Variants in SKI observed in about 807,000 individuals in gnomAD.
SKI encodes ski oncogene.
A neutral mutation model predicts 59.3 loss-of-function variants in SKI; 23 were observed. That is an observed-to-expected ratio of 0.39 (90% CI 0.28 to 0.55). SKI has a LOEUF of 0.55. Among genes scored for constraint, SKI ranks in the 20% least tolerant of loss-of-function variants. The probability of loss-of-function intolerance (pLI) is 0.67; values close to 1 mark genes in which losing one functional copy is unlikely to be tolerated. For synonymous variants in SKI, 673 were observed against 488.6 expected, an observed-to-expected ratio of 1.38 and a Z score of -4.98; for missense variants, 1,017 against 1,038.9, an observed-to-expected ratio of 0.98 and a Z score of 0.29.
chr1:2,238,085 C>T (rs936550497), intron 1 of SKI, among the ~76,000 whole-genome samples: 1 of 152,210 alleles, frequency 6.6e-6, no homozygotes, highest in African/African-American at 2.4e-5. Flanking sequence ...GCCCACGGTC[C>T]AGGCAGCTCC....
At chr1:2,266,859 C>T (rs1288103171) in intron 1 of SKI, among the ~76,000 whole-genome samples, 1 of 152,166 alleles carries the variant, frequency 6.6e-6, no homozygotes, top group African/African-American at 2.4e-5. Flanking sequence ...GAAAGTTGCT[C>T]AGGGCCAAGT....
In SKI at chr1:2,229,630, C is replaced by G; in HGVS notation, c.864C>G (p.Ser288Arg). 6.2e-7 allele frequency: 1 copy of G among 1,612,486 alleles called. No individual in the cohort carries two copies. Among genetic ancestry groups the G allele is most frequent in the Non-Finnish European group, 8.5e-7 (1 of 1,179,862 alleles). ...ACTGGCGGGCCTACATCCTGCTGAG[C>G]CAGGATTACACGGGCAAGGAGGAGC... ...SANWRAYILLSQDYTGKEEQA... is the reference protein window; with the variant it reads ...SANWRAYILLRQDYTGKEEQA... The change falls in exon 1 of 7, where the codon AGC (serine) becomes AGG (arginine). Residue 288 changes from serine to arginine, a missense_variant. Physicochemically the swap from Ser to Arg is moderately radical, Grantham distance 110. Coordinates refer to ENST00000378536, the MANE Select transcript of SKI (RefSeq NM_003036.4). This position sits in a 1 kb window ranked among gnomAD's most constrained non-coding sequence, Gnocchi z 6.3.
intron 1 of SKI, among the ~76,000 whole-genome samples, chr1:2,259,953 A>T (rs1639349511): frequency 6.6e-6 from 1 of 152,184 alleles, no homozygotes; most frequent in South Asian, 2.1e-4. Context: ...CTTGACTGTC[A>T]CAAAGAAAGC....
chr1:2,285,878 T>G (rs933439161), intron 1 of SKI, among the ~76,000 whole-genome samples: 1 of 148,726 alleles, frequency 6.7e-6, no homozygotes, highest in East Asian at 2.0e-4. Context: ...AGGTTTTTTT[T>G]TTTTTTTTTT....
Position 2,238,552 on chromosome 1 carries a change from G to A in SKI, c.969+8817G>A, listed in dbSNP as rs149862361. The stretch of plus-strand genomic sequence containing the variant: ...CCCTCTGCAGAGGTGGCACAAGCCC[G>A]GGGCCCCAGAGTGAGGGGACTCTTG... On this transcript the variant is annotated intron_variant, in intron 1 of 6. Transcript: ENST00000378536. 2.2e-3 allele frequency among the ~76,000 whole-genome samples: 336 copies of A among 152,344 alleles called. 4 individuals are homozygous for A. The highest frequency in any genetic ancestry group is 6.9e-3 in the African/African-American group (289 of 41,590).
Position 2,304,412 on chromosome 1 carries a change from G to A in SKI, c.1594G>A (p.Ala532Thr). ...PSAVPDAAAP[A>T]DAPSGLEAEL... is the part of the protein sequence containing the mutation. ...GGCCGTCCCTGATGCTGCGGCCCCT[G>A]CCGACGCCCCCAGTGGGCTGGAGGC... Residue 532 changes from alanine to threonine, a missense_variant, in exon 5 of 7, where the codon GCC (alanine) becomes ACC (threonine). Physicochemically the swap from Ala to Thr is moderately conservative, Grantham distance 58 (BLOSUM62 0). Coordinates refer to ENST00000378536, the MANE Select transcript of SKI (RefSeq NM_003036.4). The A allele has an allele frequency of 6.4e-7, 1 of 1,554,032 alleles. No homozygotes were observed. Among genetic ancestry groups the A allele is most frequent in the South Asian group, 1.2e-5 (1 of 84,338 alleles).
At chr1:2,247,397 T>C (rs1026329443) in intron 1 of SKI, among the ~76,000 whole-genome samples, 13 of 152,160 alleles carry the variant, frequency 8.5e-5, no homozygotes, top group Admixed American at 2.0e-4. Context: ...AGCGTGCTTC[T>C]CCCTCCTTTC....
intron 1 of SKI, among the ~76,000 whole-genome samples, chr1:2,242,721 TG>T (rs1638905962): frequency 6.6e-6 from 1 of 152,168 alleles, no homozygotes; most frequent in African/African-American, 2.4e-5. Flanking sequence ...GATCTCCGTT[TG>T]TTACCCAGAC....
At chr1:2,236,564 G>A (rs540054986) in intron 1 of SKI, among the ~76,000 whole-genome samples, 2 of 152,184 alleles carry the variant, frequency 1.3e-5, no homozygotes, top group East Asian at 1.9e-4. Context: ...GTGCCACCAC[G>A]CCTGGCTAAT....
At chr1:2,289,126 C>T (rs1640107753) in intron 1 of SKI, among the ~76,000 whole-genome samples, 1 of 152,220 alleles carries the variant, frequency 6.6e-6, no homozygotes, top group African/African-American at 2.4e-5. Context: ...CAGGACCCAG[C>T]TGCCCCTCCC....
intron 1 of SKI, among the ~76,000 whole-genome samples, chr1:2,243,860 T>G (rs145409127): frequency 1.3e-5 from 2 of 152,352 alleles, no homozygotes; most frequent in Admixed American, 6.5e-5. Context: ...TCAGCTGGGA[T>G]GATTCTGTGT....
chr1:2,251,976 C>G (rs887655546), intron 1 of SKI, among the ~76,000 whole-genome samples: 1 of 152,162 alleles, frequency 6.6e-6, no homozygotes, highest in Non-Finnish European at 1.5e-5. Context: ...TTCACTGTTC[C>G]TGGCAGTGGC....
At chr1:2,289,223 G>T (rs1025193191) in intron 1 of SKI, among the ~76,000 whole-genome samples, 1 of 152,192 alleles carries the variant, frequency 6.6e-6, no homozygotes, top group African/African-American at 2.4e-5. Flanking sequence ...TCTAGGCAGG[G>T]AGCTCAGAGA....
chr1:2,306,578 T>G lies in SKI; in HGVS notation c.2000T>G (p.Ile667Ser). The change falls in exon 7 of 7, where the codon ATC (isoleucine) becomes AGC (serine). Residue 667 changes from isoleucine to serine, a missense_variant and splice_region_variant. Physicochemically the swap from Ile to Ser is moderately radical, Grantham distance 142. Coordinates refer to ENST00000378536, the MANE Select transcript of SKI (RefSeq NM_003036.4). Reference protein sequence around the residue: ...GRLRAKYSAQIEDLQVKLQHA... With the variant: ...GRLRAKYSAQSEDLQVKLQHA... ...GCTGACCACTCGGCTCCCTTTCAGATCGAAGACCTGCAGGTGAAGCTGCAG... is the reference window on the plus strand; with the variant it reads ...GCTGACCACTCGGCTCCCTTTCAGAGCGAAGACCTGCAGGTGAAGCTGCAG... 6.5e-7 allele frequency: 1 copy of G among 1,541,816 alleles called. No homozygotes were observed. The highest frequency in any genetic ancestry group is 1.4e-5 in the African/African-American group (1 of 72,618).
chr1:2,297,642 G>A (rs1166815710), intron 1 of SKI, among the ~76,000 whole-genome samples: 2 of 152,334 alleles, frequency 1.3e-5, no homozygotes, highest in South Asian at 4.1e-4. Flanking sequence ...CCATAAGCCC[G>A]TGGCCCCTGT....
At chr1:2,293,595 C>T (rs1343857473) in intron 1 of SKI, among the ~76,000 whole-genome samples, 2 of 152,198 alleles carry the variant, frequency 1.3e-5, no homozygotes, top group Admixed American at 6.5e-5. Flanking sequence ...TCTGCTCGAG[C>T]ATCTGGTATC....
chr1:2,308,345 G>GT lies in SKI; in HGVS notation c.*1583dup, dbSNP rs1180154513. ...AATTGCCTGCGGGGTTTTGCCCTTG[G>GT]TTTACTGAGGGGGGTCTTGGTTGCT... On this transcript the variant is annotated 3_prime_UTR_variant, in exon 7 of 7. Transcript: ENST00000378536. 6.6e-6 allele frequency: 1 copy of GT among 152,210 alleles called. No homozygotes were observed. Among genetic ancestry groups the GT allele is most frequent in the African/African-American group, 2.4e-5 (1 of 41,450 alleles). The allele number at this position is 152,210 out of a possible 1,614,324, so 9.4% of individuals were successfully genotyped here. A position where few individuals can be genotyped will look rare whatever the true frequency, so the allele number is the denominator to read the frequency against.
At chr1:2,289,965 A>T (rs1640126612) in intron 1 of SKI, among the ~76,000 whole-genome samples, 1 of 152,116 alleles carries the variant, frequency 6.6e-6, no homozygotes, top group Non-Finnish European at 1.5e-5. Flanking sequence ...TTGCTCCAGG[A>T]CATGCCACCT....
chr1:2,245,667 G>A (rs925517119), intron 1 of SKI, among the ~76,000 whole-genome samples: 1 of 151,926 alleles, frequency 6.6e-6, no homozygotes, highest in South Asian at 2.1e-4. Flanking sequence ...GTGGAGATGG[G>A]GTTTCACCAT....
Sources: allele counts gnomAD v4.1 joint callset (sites outside exome capture counted in the v4.1 genomes callset), GRCh38; gene constraint gnomAD v4.1.1; non-coding constraint Gnocchi (gnomAD v3.1); transcripts MANE v1.5; gene names NCBI Gene and HGNC (gene_info 2026-07-23, HGNC 2026-07-21).